SMYD3: variants seen among roughly 807,000 people sequenced by gnomAD.
SMYD3 encodes the protein histone-lysine N-methyltransferase SMYD3.
SMYD3 carries 36 observed loss-of-function variants against 57.7 expected under a neutral mutation model. That is an observed-to-expected ratio of 0.62 (90% CI 0.48 to 0.82). The LOEUF (loss-of-function observed/expected upper bound fraction) is 0.82. Ranked by LOEUF, SMYD3 falls within the 40% of genes least tolerant of loss-of-function variation. The probability of loss-of-function intolerance (pLI) is 0.00; values close to 1 mark genes in which losing one functional copy is unlikely to be tolerated. For missense variants in SMYD3, 515 were observed against 538.8 expected, an observed-to-expected ratio of 0.96 and a Z score of 0.44; for synonymous variants, 211 against 195.0, an observed-to-expected ratio of 1.08 and a Z score of -0.68.
chr1:246,249,227 C>G (rs2063760628), intron 5 of SMYD3, among the ~76,000 whole-genome samples: 1 of 151,964 alleles, frequency 6.6e-6, no homozygotes, highest in Non-Finnish European at 1.5e-5. Flanking sequence ...CCTCAGCCTT[C>G]CAAGTAGCTG....
chr1:246,422,887 C>A (rs1332838544), intron 1 of SMYD3, among the ~76,000 whole-genome samples: 1 of 151,962 alleles, frequency 6.6e-6, no homozygotes, highest in East Asian at 1.9e-4. Context: ...ATGTGCCAGG[C>A]ACTGTTCTAG....
chr1:246,257,490 A>G (rs1017564379), intron 5 of SMYD3, among the ~76,000 whole-genome samples: 1 of 152,090 alleles, frequency 6.6e-6, no homozygotes, highest in Non-Finnish European at 1.5e-5. Context: ...TTTGTTATTC[A>G]TTACTTTGAG....
chr1:246,339,275 C>T (rs189716806), intron 2 of SMYD3, among the ~76,000 whole-genome samples: 136 of 152,232 alleles, frequency 8.9e-4, no homozygotes, highest in Admixed American at 2.3e-3. Context: ...TGTATAGGTG[C>T]AAATATGTGA....
intron 1 of SMYD3, among the ~76,000 whole-genome samples, chr1:246,462,454 C>G (rs1471112077): frequency 1.3e-5 from 2 of 152,094 alleles, no homozygotes; most frequent in Non-Finnish European, 2.9e-5. Flanking sequence ...GTCATAGGCC[C>G]CCGACTGTGC....
chr1:245,838,630 T>C (rs1042146271), intron 10 of SMYD3, among the ~76,000 whole-genome samples: 1 of 152,148 alleles, frequency 6.6e-6, no homozygotes, highest in Non-Finnish European at 1.5e-5. Context: ...AATGCAGAAA[T>C]GGGAACAGAG....
In SMYD3 at chr1:245,932,420, T is replaced by C. The variant is rs551094523; in HGVS notation, c.532-2483A>G. Among the ~76,000 whole-genome samples the C allele has an allele frequency of 9.8e-5, 15 of 152,348 alleles. No individual in the cohort carries two copies. The East Asian group carries it at 1.3e-3, about 14-fold the overall frequency. On this transcript the variant is annotated intron_variant, in intron 5 of 11. Coordinates refer to ENST00000490107, the MANE Select transcript of SMYD3 (RefSeq NM_001167740.2). The stretch of plus-strand genomic sequence containing the variant: ...CTTCCCTCTTTAGCAGCATTTATCA[T>C]ACTGGATCATTATTTACCCATTTAC...
intron 8 of SMYD3, among the ~76,000 whole-genome samples, chr1:245,908,989 T>C (rs1208476443): frequency 1.3e-5 from 2 of 151,636 alleles, no homozygotes; most frequent in African/African-American, 4.8e-5. Context: ...AAAACAGAGA[T>C]TAAAGAACAA....
intron 10 of SMYD3, among the ~76,000 whole-genome samples, chr1:245,785,702 A>C (rs2047012106): frequency 6.6e-6 from 1 of 152,042 alleles, no homozygotes; most frequent in Admixed American, 6.6e-5. Flanking sequence ...AGAGAGCAAG[A>C]GAGAGCGAGA....
At position 246,040,522 on chromosome 1, in the gene SMYD3, A is replaced by G. The variant is rs148123482; in HGVS notation, c.532-110585T>C. Among the ~76,000 whole-genome samples, 806 of 152,332 alleles carry G rather than the reference A, an allele frequency of 5.3e-3. 18 individuals are homozygous for G. The highest frequency in any genetic ancestry group is 0.033 in the Admixed American group (506 of 15,294). ...CTTTCTCGTAGGAATTTGCCAAATT[A>G]ACCCAAAATGCAGCCAGCCACCAAA... is the stretch of plus-strand genomic sequence containing the variant. On this transcript the variant is annotated intron_variant, in intron 5 of 11. Transcript: ENST00000490107.
intron 7 of SMYD3, among the ~76,000 whole-genome samples, chr1:245,917,529 C>A (rs966544756): frequency 1.3e-5 from 2 of 152,108 alleles, no homozygotes; most frequent in African/African-American, 4.8e-5. Context: ...TCCACACACA[C>A]TCCTACCTCA....
At chr1:246,276,393 T>C (rs35482166) in intron 5 of SMYD3, among the ~76,000 whole-genome samples, 26 of 73,194 alleles carry the variant, frequency 3.6e-4, no homozygotes, top group South Asian at 8.3e-4. Context: ...TATTTAATGT[T>C]TCTAGTGGAG....
At chr1:246,089,596 G>T (rs992322953) in intron 5 of SMYD3, among the ~76,000 whole-genome samples, 22 of 152,132 alleles carry the variant, frequency 1.4e-4, no homozygotes, top group Admixed American at 1.3e-3. Context: ...GCTTGTTGAA[G>T]ATTTTGGTTT....
At chr1:245,798,417 T>TACATACACACACACC (rs2047670135) in intron 10 of SMYD3, among the ~76,000 whole-genome samples, 1 of 30,720 alleles carries the variant, frequency 3.3e-5, no homozygotes, top group African/African-American at 1.7e-4. Flanking sequence ...TACACACACA[T>TACATACACACACACC]ACACACCCCC....
At chr1:246,050,979 G>A (rs1281224092) in intron 5 of SMYD3, among the ~76,000 whole-genome samples, 2 of 152,090 alleles carry the variant, frequency 1.3e-5, no homozygotes, top group Admixed American at 6.5e-5. Flanking sequence ...CATATGATGA[G>A]AGGTAAAAGG....
intron 5 of SMYD3, among the ~76,000 whole-genome samples, chr1:246,276,522 T>TC (rs531789830): frequency 2.1e-4 from 30 of 142,294 alleles, no homozygotes; most frequent in South Asian, 6.9e-4. Context: ...CTCTGTTTTT[T>TC]ACTAGCCGTA....
intron 5 of SMYD3, among the ~76,000 whole-genome samples, chr1:245,974,480 C>T (rs12411198): frequency 0.17 from 19,160 of 113,264 alleles, 1,651 homozygotes; most frequent in East Asian, 0.46. Flanking sequence ...CCATCGTCTC[C>T]GGCCCAGGGA....
intron 2 of SMYD3, among the ~76,000 whole-genome samples, chr1:246,347,765 T>C (rs879035601): frequency 6.6e-6 from 1 of 152,070 alleles, no homozygotes; most frequent in Non-Finnish European, 1.5e-5. Context: ...CATCTTAATA[T>C]AGAACTTCCA....
chr1:246,427,849 G>C (rs1256797935), intron 1 of SMYD3, among the ~76,000 whole-genome samples: 1 of 152,022 alleles, frequency 6.6e-6, no homozygotes, highest in Non-Finnish European at 1.5e-5. Context: ...GTGAGATCTT[G>C]TCTCAAGAGA....
chr1:245,961,497 A>C (rs1005571422), intron 5 of SMYD3, among the ~76,000 whole-genome samples: 2 of 150,322 alleles, frequency 1.3e-5, no homozygotes, highest in African/African-American at 4.9e-5. Context: ...CTAAGGAAGG[A>C]AAAGCAGACA....
Sources: allele counts gnomAD v4.1 joint callset (sites outside exome capture counted in the v4.1 genomes callset), GRCh38; gene constraint gnomAD v4.1.1; transcripts MANE v1.5; gene names NCBI Gene and HGNC (gene_info 2026-07-23, HGNC 2026-07-21).